The following RAD54L variants were observed in gnomAD, a reference collection of about 807,000 sequenced individuals.
RAD54L encodes the protein RAD54 like, also known as DNA repair and recombination protein RAD54-like.
In RAD54L, 74 loss-of-function variants were observed where a neutral mutation model predicts 91.6. The observed-to-expected ratio is 0.81, with a 90% CI of 0.67 to 0.98. The LOEUF is 0.98. Ranked by LOEUF, RAD54L falls within the 50% of genes least tolerant of loss-of-function variation. The probability of loss-of-function intolerance (pLI) is 0.00; values close to 1 mark genes in which losing one functional copy is unlikely to be tolerated. For synonymous variants in RAD54L, 304 were observed against 349.7 expected (o/e 0.87, Z 1.46); for missense variants, 887 against 945.7 (o/e 0.94, Z 0.81).
At chr1:46,257,167 CA>C (rs1245419404) in intron 3 of RAD54L, among the ~76,000 whole-genome samples, 1 of 149,858 alleles carries the variant, frequency 6.7e-6, no homozygotes, top group Non-Finnish European at 1.5e-5. Context: ...AAAAAAACCC[CA>C]AAAAACAAAT....
In RAD54L at chr1:46,273,744, G is replaced by A. The variant is rs796512991; in HGVS notation, c.1607G>A (p.Arg536Gln). The A allele has an allele frequency of 3.7e-6, 6 of 1,603,182 alleles. No individual in the cohort carries two copies. Among genetic ancestry groups the A allele is most frequent in the Non-Finnish European group, 5.1e-6 (6 of 1,174,434 alleles). ...CTCTTTGAGAAGCTGTGCCGTGCCC[G>A]AAGGTAGGGAAGATCCTAACCAGGA... ...LDLFEKLCRA[R>Q]RYLYVRLDGT... The change falls in exon 14 of 18, where the codon CGA (arginine) becomes CAA (glutamine). Residue 536 changes from arginine to glutamine, a missense_variant. Transcript: ENST00000371975.
intron 15 of RAD54L, 135 bp downstream of exon 15, chr1:46,274,351 T>C: frequency 7.9e-7 from 1 of 1,269,312 alleles, no homozygotes; most frequent in Non-Finnish European, 1.1e-6. Flanking sequence ...ATTTGTCTGG[T>C]TGGTGATGGC....
At chr1:46,253,020 C>T (rs1003523628) in intron 3 of RAD54L, among the ~76,000 whole-genome samples, 2 of 152,024 alleles carry the variant, frequency 1.3e-5, no homozygotes, top group African/African-American at 2.4e-5. Flanking sequence ...TGCAGTGACC[C>T]GTGATACTGT....
intron 3 of RAD54L, among the ~76,000 whole-genome samples, chr1:46,251,529 C>G (rs1458329732): frequency 6.6e-6 from 1 of 152,006 alleles, no homozygotes; most frequent in African/African-American, 2.4e-5. Context: ...ATATAAAAAT[C>G]ACTAATACAG....
intron 2 of RAD54L, among the ~76,000 whole-genome samples, chr1:46,248,910 T>C (rs1226792836): frequency 2.0e-5 from 3 of 152,166 alleles, no homozygotes; most frequent in Non-Finnish European, 2.9e-5. Context: ...CAGCTGGCTC[T>C]TTTGCTCTTT....
At chr1:46,276,003 C>T (rs1013293174) in intron 16 of RAD54L, among the ~76,000 whole-genome samples, 34 of 151,852 alleles carry the variant, frequency 2.2e-4, no homozygotes, top group Non-Finnish European at 8.8e-5. Context: ...CACTCTGGTT[C>T]TTCTACCTCT....
chr1:46,266,903 A>T (rs1208320473), intron 8 of RAD54L, among the ~76,000 whole-genome samples: 1 of 152,186 alleles, frequency 6.6e-6, no homozygotes, highest in Non-Finnish European at 1.5e-5. Flanking sequence ...CTTTATGGGT[A>T]TAGCACTGGT....
intron 9 of RAD54L, among the ~76,000 whole-genome samples, chr1:46,270,140 C>T (rs1204367479): frequency 6.6e-6 from 1 of 151,766 alleles, no homozygotes; most frequent in Non-Finnish European, 1.5e-5. Context: ...GAGGCTGAGG[C>T]GGGCAGATCG....
intron 3 of RAD54L, among the ~76,000 whole-genome samples, chr1:46,255,726 C>A (rs569561464): frequency 6.6e-6 from 1 of 152,154 alleles, no homozygotes; most frequent in East Asian, 1.9e-4. Context: ...ATCTCGAACA[C>A]CTGACCTCAG....
chr1:46,274,630 C>T lies in RAD54L; in HGVS notation c.1782C>T (p.Asp594=), dbSNP rs1248566044. ...GANRLVMFDP[D]WNPANDEQAM... Reference sequence around the variant, plus strand: ...ACCGGCTGGTCATGTTTGACCCTGACTGGAACCCAGCCAATGATGAACAAG... The same window carrying T: ...ACCGGCTGGTCATGTTTGACCCTGATTGGAACCCAGCCAATGATGAACAAG... Residue 594 remains aspartate, a synonymous_variant, in exon 16 of 18, where the codon GAC becomes GAT. Transcript: ENST00000371975. The T allele has an allele frequency of 1.9e-6, 3 of 1,614,086 alleles. No homozygotes were observed. The highest frequency in any genetic ancestry group is 2.5e-6 in the Non-Finnish European group (3 of 1,180,036).
chr1:46,248,033 A>ACCCCCCCCCCCCC lies in RAD54L; in HGVS notation c.-373_-372insCCCCCCCCCCCCC. ...CCTGGCCAGTGATTACCCACCCCCA[A>ACCCCCCCCCCCCC]TCCCACCCCGCCCCGCCGCGCAACT... On this transcript the variant is annotated 5_prime_UTR_variant, in exon 1 of 18. Transcript: ENST00000371975. The ACCCCCCCCCCCCC allele has an allele frequency of 4.3e-6, 1 of 231,680 alleles. No homozygotes were observed. Among genetic ancestry groups the ACCCCCCCCCCCCC allele is most frequent in the Non-Finnish European group, 8.5e-6 (1 of 118,156 alleles). The allele number at this position is 231,680 out of a possible 1,614,324, so 14.4% of individuals were successfully genotyped here. A position where few individuals can be genotyped will look rare whatever the true frequency, so the allele number is the denominator to read the frequency against.
chr1:46,260,704 G>T (rs1278491350), intron 6 of RAD54L, 23 bp from the exon 7 acceptor site: 2 of 1,614,082 alleles, frequency 1.2e-6, no homozygotes, highest in South Asian at 1.1e-5. Context: ...TGCCAAAGTG[G>T]ACTGAAGGCT....
Position 46,248,338 on chromosome 1 carries a change from T to A in RAD54L, c.-68T>A. Reference sequence around the variant, plus strand: ...TACAGATTAGACCCTGGTCCTACACTCTTAGCCGCTGCCTGCTTTTGACCT... The same window carrying A: ...TACAGATTAGACCCTGGTCCTACACACTTAGCCGCTGCCTGCTTTTGACCT... On this transcript the variant is annotated 5_prime_UTR_variant, in exon 1 of 18. Coordinates refer to ENST00000371975, the MANE Select transcript of RAD54L (RefSeq NM_003579.4). 6.3e-7 allele frequency: 1 copy of A among 1,599,926 alleles called. No individual in the cohort carries two copies. The highest frequency in any genetic ancestry group is 8.5e-7 in the Non-Finnish European group (1 of 1,169,820).
At position 46,273,468 on chromosome 1, in the gene RAD54L, G is replaced by T. The variant is rs750185699; in HGVS notation, c.1486+3G>T. The T allele has an allele frequency of 1.6e-5, 25 of 1,612,868 alleles. No homozygotes were observed. The highest frequency in any genetic ancestry group is 2.1e-5 in the Non-Finnish European group (25 of 1,179,052). ...GGCCCTGGAGCCCCAGCTGTCAGGT[G>T]ACCCTTTTCCTACCAGTATTTGGGC... is the stretch of plus-strand genomic sequence containing the variant. On this transcript the variant is annotated splice_donor_region_variant and intron_variant, in intron 13 of 17. Coordinates refer to ENST00000371975, the MANE Select transcript of RAD54L (RefSeq NM_003579.4).
At chr1:46,252,447 C>G (rs374147683) in intron 3 of RAD54L, among the ~76,000 whole-genome samples, 2 of 151,926 alleles carry the variant, frequency 1.3e-5, no homozygotes, top group East Asian at 1.9e-4. Flanking sequence ...GGATTATGGC[C>G]TGGACATGGG....
intron 3 of RAD54L, among the ~76,000 whole-genome samples, chr1:46,257,346 C>G (rs1659973137): frequency 6.6e-6 from 1 of 152,062 alleles, no homozygotes. Flanking sequence ...CCCATTAAAA[C>G]TACCTTCAGG....
intron 16 of RAD54L, 27 bp from the exon 17 acceptor site, chr1:46,277,790 T>G (rs771921324): frequency 1.3e-6 from 2 of 1,584,514 alleles, no homozygotes; most frequent in South Asian, 2.2e-5. Flanking sequence ...CTGTATCTTT[T>G]GACATTCCCC....
intron 14 of RAD54L, 50 bp downstream of exon 14, chr1:46,273,797 A>G (rs1660510992): frequency 1.3e-6 from 2 of 1,560,862 alleles, no homozygotes; most frequent in East Asian, 2.4e-5. Flanking sequence ...CCCCTCCCCT[A>G]CTGTCTGTCT....
intron 8 of RAD54L, among the ~76,000 whole-genome samples, chr1:46,266,579 A>G (rs190559474): frequency 3.6e-4 from 55 of 152,306 alleles, no homozygotes; most frequent in African/African-American, 1.3e-3. Flanking sequence ...GACAGGGAGA[A>G]TAGAGATTGG....
Sources: gnomAD v4.1 joint callset for allele counts (sites outside exome capture counted in the v4.1 genomes callset) on GRCh38, gnomAD v4.1.1 for gene constraint, MANE v1.5 for transcripts, NCBI Gene and HGNC (gene_info 2026-07-23, HGNC 2026-07-21) for gene names.